NOX3: variants seen among roughly 807,000 people sequenced by gnomAD.
The protein encoded by NOX3 is NADPH oxidase 3, also known as NADPH oxidase catalytic subunit-like 3.
Under a neutral mutation model 76.7 loss-of-function variants are expected in NOX3, and 74 were observed. The ratio of observed to expected loss-of-function variants is 0.96; its 90% CI spans 0.80 to 1.17. The LOEUF (loss-of-function observed/expected upper bound fraction) is 1.17, where lower values mean the gene tolerates loss of function less well. Ranked by LOEUF, NOX3 falls within the 50% of genes most tolerant of loss-of-function variation. The pLI is 0.00. For missense variants in NOX3, 695 were observed against 703.3 expected, an observed-to-expected ratio of 0.99 and a Z score of 0.13; for synonymous variants, 263 against 261.1, an observed-to-expected ratio of 1.01 and a Z score of -0.07.
At chr6:155,413,915 G>A (rs919752247) in intron 10 of NOX3, among the ~76,000 whole-genome samples, 6 of 152,098 alleles carry the variant, frequency 3.9e-5, no homozygotes, top group Non-Finnish European at 5.9e-5. Context: ...AGTCCCAGTC[G>A]TCCTTTCTTG....
chr6:155,444,313 G>A (rs775283064), intron 4 of NOX3, among the ~76,000 whole-genome samples: 12 of 152,246 alleles, frequency 7.9e-5, no homozygotes, highest in African/African-American at 1.4e-4. Context: ...ATGCCATCCC[G>A]CTCTGTCCCA....
chr6:155,414,090 C>T (rs115389515), intron 10 of NOX3, among the ~76,000 whole-genome samples: 2,560 of 152,170 alleles, frequency 0.017, 83 homozygotes, highest in African/African-American at 0.058. Context: ...TTTTTCCCTC[C>T]GTAATTGACT....
At chr6:155,442,683 CT>C (rs1777009623) in intron 5 of NOX3, among the ~76,000 whole-genome samples, 1 of 152,148 alleles carries the variant, frequency 6.6e-6, no homozygotes, top group Non-Finnish European at 1.5e-5. Context: ...TTTTGGTTTT[CT>C]TTTTGTTCCC....
intron 5 of NOX3, 134 bp downstream of exon 5, chr6:155,443,139 T>C: frequency 9.7e-7 from 1 of 1,031,358 alleles, no homozygotes; most frequent in Non-Finnish European, 1.3e-6. Flanking sequence ...AAATGTGAAA[T>C]TGAAAACAAA....
At chr6:155,404,033 G>A (rs73792879) in intron 12 of NOX3, among the ~76,000 whole-genome samples, 2,062 of 151,942 alleles carry the variant, frequency 0.014, 47 homozygotes, top group African/African-American at 0.046. Context: ...AGATATAGAT[G>A]TCCATGTCAA....
chr6:155,452,374 C>G (rs1288733644), intron 4 of NOX3, among the ~76,000 whole-genome samples: 1 of 152,190 alleles, frequency 6.6e-6, no homozygotes, highest in Non-Finnish European at 1.5e-5. Context: ...GATGAACCAG[C>G]CTTATTTCCT....
At chr6:155,431,001 G>T in intron 7 of NOX3, 66 bp from the exon 8 acceptor site, 1 of 1,054,890 alleles carries the variant, frequency 9.5e-7, no homozygotes, top group Non-Finnish European at 1.4e-6. Flanking sequence ...TTTTCAATTT[G>T]AACCAAATCA....
Position 155,429,044 on chromosome 6 carries a change from C to T in NOX3, c.895G>A (p.Val299Ile), listed in dbSNP as rs1191226914. ...FQQEVVITKV[V>I]SHPSGVLELH... is the part of the protein sequence containing the mutation. Reference sequence around the variant, plus strand: ...TCCAGGACTCCAGAGGGGTGGCTTACCACCTATGTGAGAGTGAGAGAGTTG... The same window carrying T: ...TCCAGGACTCCAGAGGGGTGGCTTATCACCTATGTGAGAGTGAGAGAGTTG... Residue 299 changes from valine to isoleucine, a missense_variant, in exon 9 of 14, where the codon GTA (valine) becomes ATA (isoleucine). Transcript: ENST00000159060. 5.7e-6 allele frequency: 9 copies of T among 1,590,186 alleles called. No individual in the cohort carries two copies. Among genetic ancestry groups the T allele is most frequent in the Admixed American group, 1.7e-5 (1 of 58,728 alleles).
At chr6:155,401,517 T>A (rs1480087219) in intron 12 of NOX3, among the ~76,000 whole-genome samples, 2 of 152,220 alleles carry the variant, frequency 1.3e-5, no homozygotes, top group Non-Finnish European at 2.9e-5. Flanking sequence ...TTTGCACATA[T>A]GCACATACAA....
chr6:155,432,713 C>T (rs571973783), intron 7 of NOX3, among the ~76,000 whole-genome samples: 140 of 152,116 alleles, frequency 9.2e-4, no homozygotes, highest in Non-Finnish European at 1.6e-3. Flanking sequence ...GGGGGCAACA[C>T]AAGGCAACAC....
chr6:155,421,797 C>T (rs1424820072), intron 10 of NOX3, among the ~76,000 whole-genome samples: 2 of 152,154 alleles, frequency 1.3e-5, no homozygotes, highest in Non-Finnish European at 2.9e-5. Flanking sequence ...GCCCCACCCC[C>T]GCAGAACTTA....
intron 3 of NOX3, among the ~76,000 whole-genome samples, chr6:155,454,436 G>A (rs1471133551): frequency 6.6e-6 from 1 of 152,206 alleles, no homozygotes; most frequent in Non-Finnish European, 1.5e-5. Context: ...CTGTGATTAT[G>A]CTTTTGTGGG....
At chr6:155,430,306 T>C (rs1331619617) in intron 8 of NOX3, among the ~76,000 whole-genome samples, 1 of 152,124 alleles carries the variant, frequency 6.6e-6, no homozygotes, top group African/African-American at 2.4e-5. Flanking sequence ...TGAAAAATGC[T>C]ACCAGGAGCA....
chr6:155,445,969 A>ATATGCTATATATAT (rs1380551108), intron 4 of NOX3, among the ~76,000 whole-genome samples: 6 of 96,660 alleles, frequency 6.2e-5, no homozygotes, highest in African/African-American at 2.5e-4. Context: ...ATATATATAT[A>ATATGCTATATATAT]ATATATATAT....
chr6:155,452,638 C>T (rs1582950588), intron 4 of NOX3, among the ~76,000 whole-genome samples: 2 of 149,506 alleles, frequency 1.3e-5, no homozygotes, highest in South Asian at 2.1e-4. Context: ...TTTTACTCTG[C>T]TTTTTTTTTT....
intron 12 of NOX3, among the ~76,000 whole-genome samples, chr6:155,399,105 G>A (rs1383420210): frequency 6.6e-6 from 1 of 152,178 alleles, no homozygotes; most frequent in African/African-American, 2.4e-5. Flanking sequence ...GATGGATCAG[G>A]CGAGACCCTT....
intron 13 of NOX3, 52 bp downstream of exon 13, chr6:155,396,757 C>T (rs1779143524): frequency 2.1e-6 from 3 of 1,455,294 alleles, no homozygotes; most frequent in African/African-American, 1.4e-5. Context: ...CTGTTTGGCC[C>T]CTTATGGGAA....
intron 4 of NOX3, among the ~76,000 whole-genome samples, chr6:155,452,422 T>C (rs1473716873): frequency 6.6e-6 from 1 of 152,192 alleles, no homozygotes; most frequent in African/African-American, 2.4e-5. Context: ...TAGGACACGA[T>C]GTCTTTTTAC....
intron 8 of NOX3, among the ~76,000 whole-genome samples, chr6:155,429,921 G>A (rs1481536347): frequency 1.3e-5 from 2 of 152,106 alleles, no homozygotes; most frequent in African/African-American, 2.4e-5. Flanking sequence ...GGTCTCCCTC[G>A]TAACAGCTCG....
Sources: gnomAD v4.1 joint callset for allele counts (sites outside exome capture counted in the v4.1 genomes callset) on GRCh38, gnomAD v4.1.1 for gene constraint, MANE v1.5 for transcripts, NCBI Gene and HGNC (gene_info 2026-07-23, HGNC 2026-07-21) for gene names.